Variants in CTCF observed in about 807,000 individuals in gnomAD.
CTCF encodes the protein transcriptional repressor CTCF.
A neutral mutation model predicts 72.3 loss-of-function variants in CTCF; 7 were observed. The observed-to-expected ratio is 0.10, with a 90% CI of 0.06 to 0.18. The LOEUF (loss-of-function observed/expected upper bound fraction) is 0.18. Ranked by LOEUF, CTCF falls within the 10% of genes least tolerant of loss-of-function variation. The pLI, the probability that CTCF is intolerant of heterozygous loss-of-function variation, is 1.00. For missense variants in CTCF, 516 were observed against 949.1 expected (o/e 0.54, Z 6.00); for synonymous variants, 374 against 315.8 (o/e 1.18, Z -1.95).
intron 1 of CTCF, among the ~76,000 whole-genome samples, chr16:67,570,313 C>T (rs1373738960): frequency 6.6e-6 from 1 of 151,672 alleles, no homozygotes; most frequent in Non-Finnish European, 1.5e-5. Flanking sequence ...ATCTGCTGAC[C>T]TCGTGATCTG....
chr16:67,606,997 G>T (rs2051982895), intron 2 of CTCF, among the ~76,000 whole-genome samples: 1 of 151,880 alleles, frequency 6.6e-6, no homozygotes, highest in Admixed American at 6.6e-5. Context: ...CTGTTGCCCT[G>T]GCTGGAGGGA....
At chr16:67,628,648 T>A in intron 9 of CTCF, 96 bp downstream of exon 9, 1 of 1,193,138 alleles carries the variant, frequency 8.4e-7, no homozygotes, top group Non-Finnish European at 1.2e-6. Flanking sequence ...ACTGAGGTTA[T>A]AAACAGAGAT....
At chr16:67,584,192 G>A (rs1478920507) in intron 2 of CTCF, among the ~76,000 whole-genome samples, 1 of 151,666 alleles carries the variant, frequency 6.6e-6, no homozygotes, top group Non-Finnish European at 1.5e-5. Context: ...CATGGTGGTG[G>A]GCACCTGTAA....
chr16:67,612,299 A>G (rs951376166), intron 4 of CTCF, 178 bp downstream of exon 4: 3 of 510,918 alleles, frequency 5.9e-6, no homozygotes, highest in Non-Finnish European at 9.8e-6. Context: ...AGACAAATGT[A>G]AAGAAAATTT....
intron 5 of CTCF, 29 bp from the exon 6 acceptor site, chr16:67,620,668 G>A: frequency 6.6e-7 from 1 of 1,525,088 alleles, no homozygotes; most frequent in Non-Finnish European, 8.9e-7. Context: ...GTTAACAGAA[G>A]TTAAAGTTCG....
At chr16:67,614,782 G>A (rs2052109955) in intron 4 of CTCF, 1 of 152,034 alleles carries the variant, frequency 6.6e-6, no homozygotes, top group South Asian at 2.1e-4. Context: ...AGGAGGCGGA[G>A]GTTGCGGTGA....
At chr16:67,581,589 C>T (rs577905205) in intron 2 of CTCF, among the ~76,000 whole-genome samples, 81 of 152,108 alleles carry the variant, frequency 5.3e-4, no homozygotes, top group Non-Finnish European at 1.1e-3. Flanking sequence ...CTACAACCTC[C>T]GCCTCCCAGG....
chr16:67,601,280 TCTCA>T lies in CTCF; in HGVS notation c.-9-9540_-9-9537del, dbSNP rs575004116. Among the ~76,000 whole-genome samples the T allele has an allele frequency of 5.7e-3, 814 of 141,790 alleles. 7 individuals carry two copies. The highest frequency in any genetic ancestry group is 0.019 in the African/African-American group (719 of 37,330). 93.0% of individuals were successfully genotyped at this position (141,790 alleles called of 152,430 possible). A position where few individuals can be genotyped will look rare whatever the true frequency, so the allele number is the denominator to read the frequency against. The stretch of plus-strand genomic sequence containing the variant: ...TTTTGTTTTGTTTTTTAAGACAGAG[TCTCA>T]CTCTGTCACCGTGTGTGTGTGTGTG... On this transcript the variant is annotated intron_variant, in intron 2 of 11. Coordinates refer to ENST00000264010, the MANE Select transcript of CTCF (RefSeq NM_006565.4).
intron 2 of CTCF, among the ~76,000 whole-genome samples, chr16:67,602,899 A>AAGT (rs1031050952): frequency 6.6e-6 from 1 of 151,968 alleles, no homozygotes; most frequent in Non-Finnish European, 1.5e-5. Flanking sequence ...TAATAGTATA[A>AAGT]AGTTAAATTG....
At position 67,562,612 on chromosome 16, in the gene CTCF, G is replaced by T; in HGVS notation, c.-239G>T. The T allele has an allele frequency of 6.5e-6, 1 of 152,892 alleles. No individual in the cohort carries two copies. Among genetic ancestry groups the T allele is most frequent in the South Asian group, 1.8e-4 (1 of 5,492 alleles). The allele number at this position is 152,892 out of a possible 1,614,324, so 9.5% of individuals were successfully genotyped here. On this transcript the variant is annotated 5_prime_UTR_variant, in exon 1 of 12. Transcript: ENST00000264010. The stretch of plus-strand genomic sequence containing the variant: ...CCGTGCGCGGAGCTGCTTCTTTGGC[G>T]GCAGCGGCGGCGGCGGTGGCCGGTG...
At chr16:67,604,730 G>GTTTTTTGTTTTTTTTTTTTTT (rs2051946606) in intron 2 of CTCF, among the ~76,000 whole-genome samples, 1 of 123,750 alleles carries the variant, frequency 8.1e-6, no homozygotes, top group Non-Finnish European at 1.7e-5. Context: ...TTTCACCAGG[G>GTTTTTTGTTTTTTTTTTTTTT]TTTTTTTTTT....
intron 7 of CTCF, among the ~76,000 whole-genome samples, chr16:67,623,825 G>A (rs555602356): frequency 3.3e-5 from 5 of 152,132 alleles, no homozygotes; most frequent in South Asian, 2.1e-4. Context: ...TGAGATGGGC[G>A]GATCACAAGG....
At chr16:67,606,432 A>G (rs1275156597) in intron 2 of CTCF, among the ~76,000 whole-genome samples, 3 of 152,074 alleles carry the variant, frequency 2.0e-5, no homozygotes, top group South Asian at 4.1e-4. Flanking sequence ...TGTGCTACCT[A>G]TTTTGTCCTT....
chr16:67,621,992 T>C (rs936668162), intron 7 of CTCF, among the ~76,000 whole-genome samples: 1 of 152,184 alleles, frequency 6.6e-6, no homozygotes, highest in Non-Finnish European at 1.5e-5. Context: ...GACTGTTTTA[T>C]TGGTTTAGTG....
At chr16:67,620,879 C>T (rs2052191651) in intron 6 of CTCF, 62 bp downstream of exon 6, 1 of 1,358,102 alleles carries the variant, frequency 7.4e-7, no homozygotes, top group South Asian at 1.6e-5. Context: ...CCATGGGACC[C>T]TGTGGACCAC....
chr16:67,614,084 C>T (rs577779785), intron 4 of CTCF, among the ~76,000 whole-genome samples: 28 of 152,220 alleles, frequency 1.8e-4, no homozygotes, highest in Non-Finnish European at 3.4e-4. Context: ...CCGTAGCTCT[C>T]GCCTGTAATC....
intron 10 of CTCF, among the ~76,000 whole-genome samples, chr16:67,631,334 T>C (rs774716022): frequency 5.3e-4 from 81 of 152,124 alleles, no homozygotes; most frequent in Non-Finnish European, 8.8e-4. Context: ...CCTATTAGTT[T>C]TTGTATTTTT....
At chr16:67,573,245 TCAAAAAAACAA>T (rs1365999658) in intron 2 of CTCF, among the ~76,000 whole-genome samples, 2 of 149,554 alleles carry the variant, frequency 1.3e-5, no homozygotes, top group African/African-American at 2.5e-5. Context: ...AGACTCTGTC[TCAAAAAAACAA>T]CAAAAAAAAC....
intron 2 of CTCF, among the ~76,000 whole-genome samples, chr16:67,599,652 T>A (rs549610609): frequency 6.6e-6 from 1 of 152,300 alleles, no homozygotes; most frequent in East Asian, 1.9e-4. Context: ...TAATAAAATT[T>A]TTTTATCTAA....
Sources: allele counts gnomAD v4.1 joint callset (sites outside exome capture counted in the v4.1 genomes callset), GRCh38; gene constraint gnomAD v4.1.1; transcripts MANE v1.5; gene names NCBI Gene and HGNC (gene_info 2026-07-23, HGNC 2026-07-21).